CTNNA2: variants seen among roughly 807,000 people sequenced by gnomAD.
CTNNA2 encodes the protein catenin alpha 2.
Under a neutral mutation model 101.0 loss-of-function variants are expected in CTNNA2, and 42 were observed. That is an observed-to-expected ratio of 0.42 (90% CI 0.32 to 0.54). The LOEUF (loss-of-function observed/expected upper bound fraction) is 0.54, where lower values mean the gene tolerates loss of function less well. Among genes scored for constraint, CTNNA2 ranks in the 20% least tolerant of loss-of-function variants. CTNNA2 has a pLI of 0.14. For synonymous variants in CTNNA2, 450 were observed against 456.4 expected, an observed-to-expected ratio of 0.99 and a Z score of 0.18; for missense variants, 871 against 1,223.1, an observed-to-expected ratio of 0.71 and a Z score of 4.29.
chr2:79,599,057 T>C (rs1237057906), intron 1 of CTNNA2, among the ~76,000 whole-genome samples: 4 of 152,088 alleles, frequency 2.6e-5, no homozygotes, highest in Admixed American at 6.6e-5. Context: ...TTGAAAAGAG[T>C]ATCTTTGCTC....
At chr2:80,046,308 A>C (rs957319584) in intron 7 of CTNNA2, among the ~76,000 whole-genome samples, 1 of 152,168 alleles carries the variant, frequency 6.6e-6, no homozygotes, top group Admixed American at 6.5e-5. Flanking sequence ...TTAAATGCCC[A>C]AAAATGCCTT....
At chr2:80,602,798 C>T (rs761909334) in intron 15 of CTNNA2, among the ~76,000 whole-genome samples, 2 of 151,934 alleles carry the variant, frequency 1.3e-5, no homozygotes, top group Non-Finnish European at 2.9e-5. Context: ...GAAGAGTTAA[C>T]GTCACTACAA....
At chr2:80,628,549 C>T (rs1212112304) in intron 18 of CTNNA2, among the ~76,000 whole-genome samples, 1 of 151,780 alleles carries the variant, frequency 6.6e-6, no homozygotes, top group Non-Finnish European at 1.5e-5. Context: ...GAAGTTGGAT[C>T]CCTTCCTTAC....
intron 2 of CTNNA2, among the ~76,000 whole-genome samples, chr2:79,652,556 A>G (rs774618386): frequency 6.6e-6 from 1 of 152,016 alleles, no homozygotes; most frequent in Non-Finnish European, 1.5e-5. Flanking sequence ...CCCATCTCTG[A>G]AATTGTCTTT....
chr2:79,615,531 A>G (rs1678559664), intron 1 of CTNNA2, among the ~76,000 whole-genome samples: 10 of 152,214 alleles, frequency 6.6e-5, no homozygotes, highest in Admixed American at 5.9e-4. Flanking sequence ...TACCTTTTAA[A>G]TTATACATGG....
chr2:79,636,653 A>G (rs1036093746), intron 1 of CTNNA2, among the ~76,000 whole-genome samples: 3 of 152,168 alleles, frequency 2.0e-5, no homozygotes, highest in African/African-American at 7.2e-5. Context: ...TGTGATCATT[A>G]TGTAACTAGA....
intron 1 of CTNNA2, among the ~76,000 whole-genome samples, chr2:79,592,173 T>G (rs1407719624): frequency 2.7e-5 from 4 of 150,318 alleles, no homozygotes; most frequent in Admixed American, 6.7e-5. Context: ...CAGGCTGGAG[T>G]GCATTGGCAC....
chr2:80,309,317 T>C (rs1320805419), intron 7 of CTNNA2, among the ~76,000 whole-genome samples: 1 of 152,180 alleles, frequency 6.6e-6, no homozygotes, highest in African/African-American at 2.4e-5. Context: ...ATCTCCTCTA[T>C]GATTTCTTAA....
intron 7 of CTNNA2, among the ~76,000 whole-genome samples, chr2:80,160,707 AATCAT>A: frequency 6.6e-6 from 1 of 152,312 alleles, no homozygotes; most frequent in East Asian, 1.9e-4. Context: ...CTAGGTAGAC[AATCAT>A]ATCATCTGCA....
intron 7 of CTNNA2, among the ~76,000 whole-genome samples, chr2:79,956,448 A>T (rs1273669681): frequency 3.3e-5 from 5 of 152,176 alleles, no homozygotes; most frequent in South Asian, 4.1e-4. Context: ...TCTGAGAAGG[A>T]AAAGTGCTTT....
chr2:80,032,879 G>A (rs183583851), intron 7 of CTNNA2, among the ~76,000 whole-genome samples: 188 of 152,200 alleles, frequency 1.2e-3, no homozygotes, highest in Middle Eastern at 3.4e-3. Flanking sequence ...ACGACCGGGC[G>A]CAGTGGCTCA....
intron 4 of CTNNA2, among the ~76,000 whole-genome samples, chr2:79,442,578 A>G (rs950230155): frequency 6.6e-6 from 1 of 152,198 alleles, no homozygotes; most frequent in African/African-American, 2.4e-5. Context: ...GTTAAACTGA[A>G]CTAAATATTA....
chr2:80,161,564 A>G (rs1312311236), intron 7 of CTNNA2, among the ~76,000 whole-genome samples: 2 of 152,212 alleles, frequency 1.3e-5, no homozygotes, highest in African/African-American at 4.8e-5. Flanking sequence ...CAACCTGTAC[A>G]GTCTCCATTA....
chr2:80,188,641 A>G (rs1025917352), intron 7 of CTNNA2, among the ~76,000 whole-genome samples: 1 of 152,122 alleles, frequency 6.6e-6, no homozygotes, highest in Non-Finnish European at 1.5e-5. Flanking sequence ...GCCCCTTTCC[A>G]TCTTCAAAGC....
At chr2:79,372,298 G>T (rs1376090289) in intron 3 of CTNNA2, among the ~76,000 whole-genome samples, 1 of 152,052 alleles carries the variant, frequency 6.6e-6, no homozygotes, top group Non-Finnish European at 1.5e-5. Context: ...TTTCCTCCTT[G>T]ATGTCACTGC....
At chr2:80,375,234 T>A (rs1485693847) in intron 7 of CTNNA2, among the ~76,000 whole-genome samples, 1 of 152,116 alleles carries the variant, frequency 6.6e-6, no homozygotes, top group Non-Finnish European at 1.5e-5. Flanking sequence ...AGGGTTGGGA[T>A]AGCCTCGGGA....
At chr2:79,664,947 G>A (rs1485757218) in intron 2 of CTNNA2, among the ~76,000 whole-genome samples, 1 of 151,904 alleles carries the variant, frequency 6.6e-6, no homozygotes, top group Non-Finnish European at 1.5e-5. Context: ...TCCTGACCTC[G>A]TGATCCGCCC....
At chr2:79,633,925 C>T (rs547998626) in intron 1 of CTNNA2, 1 of 152,098 alleles carries the variant, frequency 6.6e-6, no homozygotes, top group Non-Finnish European at 1.5e-5. Context: ...CTCAAATAAG[C>T]CCTAGCTAAT....
At chr2:80,585,267 T>C (rs1272043157) in intron 14 of CTNNA2, among the ~76,000 whole-genome samples, 1 of 152,196 alleles carries the variant, frequency 6.6e-6, no homozygotes, top group Non-Finnish European at 1.5e-5. Flanking sequence ...TGTTTCCTTT[T>C]ATCAGTGATT....
Sources: gnomAD v4.1 joint callset for allele counts (sites outside exome capture counted in the v4.1 genomes callset) on GRCh38, gnomAD v4.1.1 for gene constraint, MANE v1.5 for transcripts, NCBI Gene and HGNC (gene_info 2026-07-23, HGNC 2026-07-21) for gene names.